Variants in ZNF529 observed in about 807,000 individuals in gnomAD.
ZNF529 encodes zinc finger protein 529.
In ZNF529, 11 loss-of-function variants were observed where a neutral mutation model predicts 10.1. The observed-to-expected ratio is 1.09, with a 90% confidence interval of 0.69 to 1.81. ZNF529 has a LOEUF of 1.81. Ranked by LOEUF, ZNF529 falls within the 40% of genes most tolerant of loss-of-function variation. The pLI is 0.00. For synonymous variants in ZNF529, 204 were observed against 215.7 expected (o/e 0.95, Z 0.47); for missense variants, 624 against 666.8 (o/e 0.94, Z 0.71).
intron 2 of ZNF529, among the ~76,000 whole-genome samples, chr19:36,558,373 A>G (rs755487263): frequency 3.9e-5 from 6 of 152,176 alleles, no homozygotes; most frequent in Non-Finnish European, 8.8e-5. Context: ...ACATAGATGC[A>G]TCATTATAAA....
upstream of ZNF529, chr19:36,577,202 G>A (rs893684774): frequency 1.8e-5 from 8 of 452,446 alleles, no homozygotes; most frequent in African/African-American, 6.0e-5. Flanking sequence ...TCAAGCAACC[G>A]GCCCTCCTTG....
rs2035095960 is a variant in ZNF529, at chr19:36,547,738, T to A, written c.820A>T (p.Arg274Ter). Reference sequence around the variant, plus strand: ...AAGTGTTTCTCACCATCATGAACTCTTTGAAGTGGAGTAACTTTTCCAACT... The same window carrying A: ...AAGTGTTTCTCACCATCATGAACTCATTGAAGTGGAGTAACTTTTCCAACT... ...ERVGKVTPLQ[R>*]VHDGEKHFEC... The change falls in exon 5 of 5, where the codon AGA becomes TGA. Residue 274 changes from arginine to a stop codon, truncating the protein, a stop_gained. Coordinates refer to ENST00000591340, the MANE Select transcript of ZNF529 (RefSeq NM_020951.5). LOFTEE classifies it low-confidence loss of function (END_TRUNC). 1.2e-6 allele frequency: 2 copies of A among 1,613,780 alleles called. No individual in the cohort carries two copies. The highest frequency in any genetic ancestry group is 3.3e-5 in the Admixed American group (2 of 60,012).
chr19:36,547,416 A>C lies in ZNF529; in HGVS notation c.1142T>G (p.Leu381Arg), dbSNP rs1262196356. Residue 381 changes from leucine to arginine, a missense_variant, in exon 5 of 5, where the codon CTT becomes CGT. By Grantham distance (102) the Leu-to-Arg change is moderately radical. Coordinates refer to ENST00000591340, the MANE Select transcript of ZNF529 (RefSeq NM_020951.5). ...CGKAFGVCRE[L>R]ARHQRIHTGK... Reference sequence around the variant, plus strand: ...AGTATGAATTCTCTGATGACGAGCAAGTTCTCTACATACTCCAAAAGCCTT... The same window carrying C: ...AGTATGAATTCTCTGATGACGAGCACGTTCTCTACATACTCCAAAAGCCTT... The C allele has an allele frequency of 6.1e-5, 98 of 1,613,768 alleles. No homozygotes were observed. The highest frequency in any genetic ancestry group is 8.1e-5 in the Non-Finnish European group (96 of 1,179,900).
At chr19:36,561,688 T>C (rs1005335115) in intron 2 of ZNF529, among the ~76,000 whole-genome samples, 6 of 152,172 alleles carry the variant, frequency 3.9e-5, no homozygotes, top group Non-Finnish European at 8.8e-5. Context: ...AACATGGGCC[T>C]GGGAGAGAGC....
chr19:36,567,990 TA>T (rs2035960441), intron 2 of ZNF529, among the ~76,000 whole-genome samples: 1 of 151,986 alleles, frequency 6.6e-6, no homozygotes, highest in African/African-American at 2.4e-5. Context: ...CAGCCCAAGT[TA>T]AAAGCTGGCA....
Position 36,546,869 on chromosome 19 carries a change from G to A in ZNF529, c.1689C>T (p.Asp563=), listed in dbSNP as rs767990256. The change falls in exon 5 of 5, where the codon GAC becomes GAT. Residue 563 remains aspartate, a synonymous_variant. Coordinates refer to ENST00000591340, the MANE Select transcript of ZNF529 (RefSeq NM_020951.5). Reference sequence around the variant, plus strand: ...AAAACCACTTTATACATTTATTTCAGTCAAATGATTTCTCACCAGTGTAAA... The same window carrying A: ...AAAACCACTTTATACATTTATTTCAATCAAATGATTTCTCACCAGTGTAAA... ...PKIYTGEKSF[D] The A allele has an allele frequency of 1.2e-5, 20 of 1,604,394 alleles. No homozygotes were observed. The African/African-American group carries it at 2.3e-4, about 18-fold the overall frequency.
upstream of ZNF529, chr19:36,573,585 C>G (rs939527730): frequency 2.3e-6 from 1 of 431,236 alleles, no homozygotes; most frequent in Non-Finnish European, 4.9e-6. Flanking sequence ...GAACAGGAAG[C>G]TGGGGCGAGG....
At chr19:36,585,008 CAG>C (rs1045893377) in intron 2 of ZNF529, among the ~76,000 whole-genome samples, 2 of 152,038 alleles carry the variant, frequency 1.3e-5, no homozygotes, top group Admixed American at 1.3e-4. Context: ...CCTGATTAAA[CAG>C]AAAGTGGGGA....
At chr19:36,594,399 A>G (rs1204312051) in intron 1 of ZNF529, 1 of 152,204 alleles carries the variant, frequency 6.6e-6, no homozygotes. Context: ...TAACAAGGCT[A>G]GGTTAGAAAA....
At chr19:36,565,336 T>C (rs1351648094) in intron 2 of ZNF529, among the ~76,000 whole-genome samples, 1 of 152,050 alleles carries the variant, frequency 6.6e-6, no homozygotes, top group Non-Finnish European at 1.5e-5. Context: ...AGACATGCCA[T>C]AATAGAAAAG....
intron 2 of ZNF529, among the ~76,000 whole-genome samples, chr19:36,571,956 A>G (rs915727118): frequency 6.6e-6 from 1 of 150,650 alleles, no homozygotes; most frequent in Non-Finnish European, 1.5e-5. Flanking sequence ...TCCAAAGCCA[A>G]CTTTGTCACT....
At chr19:36,572,284 G>A in intron 2 of ZNF529, 49 bp downstream of exon 2, 1 of 1,547,572 alleles carries the variant, frequency 6.5e-7, no homozygotes, top group Non-Finnish European at 8.7e-7. Flanking sequence ...TTGTTAATTG[G>A]GAAGAGAAAA....
At chr19:36,598,467 G>T (rs2036874713) in intron 1 of ZNF529, among the ~76,000 whole-genome samples, 1 of 151,658 alleles carries the variant, frequency 6.6e-6, no homozygotes, top group African/African-American at 2.4e-5. Flanking sequence ...TGCCTTGATT[G>T]CACCACTGCA....
chr19:36,560,962 A>G (rs979194465), intron 2 of ZNF529, among the ~76,000 whole-genome samples: 1 of 152,232 alleles, frequency 6.6e-6, no homozygotes, highest in East Asian at 1.9e-4. Flanking sequence ...GGTATTTAGG[A>G]AAGTAAACCA....
intron 2 of ZNF529, among the ~76,000 whole-genome samples, chr19:36,589,292 C>T (rs1448289310): frequency 6.6e-6 from 1 of 152,076 alleles, no homozygotes; most frequent in African/African-American, 2.4e-5. Flanking sequence ...GAAGGGATGG[C>T]AGTCTTGGGG....
rs1320810646 is a variant in ZNF529 at position 36,545,603 on chromosome 19, G to A, written c.*1263C>T. The A allele has an allele frequency of 6.6e-6, 1 of 152,120 alleles. No homozygotes were observed. Among genetic ancestry groups the A allele is most frequent in the Non-Finnish European group, 1.5e-5 (1 of 68,036 alleles). The allele number at this position is 152,120 out of a possible 1,614,324, so 9.4% of individuals were successfully genotyped here. A position where few individuals can be genotyped will look rare whatever the true frequency, so the allele number is the denominator to read the frequency against. On this transcript the variant is annotated 3_prime_UTR_variant, in exon 5 of 5. Transcript: ENST00000591340. ...CATAACCAAGTCAGCAGTCCTAAGA[G>A]AGAGATGATTTTGGAGTTAAATGAG...
chr19:36,579,171 A>G (rs918740980), intron 2 of ZNF529, among the ~76,000 whole-genome samples: 3 of 151,838 alleles, frequency 2.0e-5, no homozygotes, highest in Non-Finnish European at 4.4e-5. Flanking sequence ...GTTGCACTCC[A>G]GCCTGGGAGA....
rs2034984447 is a variant in ZNF529 at position 36,545,724 on chromosome 19, AT to A, written c.*1141del. ...ATAAAAAGAAAAATAATGATAATAG[AT>A]TAAAAAAACAATTGAAGCCATGTTA... On this transcript the variant is annotated 3_prime_UTR_variant, in exon 5 of 5. Transcript: ENST00000591340. 6.6e-6 allele frequency: 1 copy of A among 152,088 alleles called. No individual in the cohort carries two copies. The highest frequency in any genetic ancestry group is 1.5e-5 in the Non-Finnish European group (1 of 68,004). 9.4% of individuals were successfully genotyped at this position (152,088 alleles called of 1,614,324 possible).
intron 2 of ZNF529, among the ~76,000 whole-genome samples, chr19:36,560,977 T>C (rs1308659274): frequency 6.6e-6 from 1 of 152,066 alleles, no homozygotes; most frequent in African/African-American, 2.4e-5. Flanking sequence ...AAACCAAGGG[T>C]GTGACCAAGT....
Sources: allele counts gnomAD v4.1 joint callset (sites outside exome capture counted in the v4.1 genomes callset), GRCh38; gene constraint gnomAD v4.1.1; transcripts MANE v1.5; gene names NCBI Gene and HGNC (gene_info 2026-07-23, HGNC 2026-07-21).